The following ATRX variants were observed in gnomAD, a reference collection of about 807,000 sequenced individuals.
The protein encoded by ATRX is ATRX chromatin remodeler.
In ATRX, 12 loss-of-function variants were observed where a neutral mutation model predicts 172.6. That is an observed-to-expected ratio of 0.07 (90% CI 0.04 to 0.11). The LOEUF is 0.11. ATRX is among the 10% of genes least tolerant of loss of function. ATRX has a pLI of 1.00. For missense variants in ATRX, 1,368 were observed against 1,767.4 expected, an observed-to-expected ratio of 0.77 and a Z score of 4.05; for synonymous variants, 674 against 594.7, an observed-to-expected ratio of 1.13 and a Z score of -1.94.
intron 26 of ATRX, among the ~76,000 whole-genome samples, chrX:77,592,125 T>C (rs1443230560): frequency 4.5e-5 from 5 of 111,725 alleles, no homozygotes; most frequent in Non-Finnish European, 9.4e-5. Context: ...ATTAAAAGCA[T>C]CTCAAGCTAG....
chrX:77,555,965 G>A lies in ATRX; in HGVS notation c.6699+1486C>T, dbSNP rs185203401. On this transcript the variant is annotated intron_variant, in intron 30 of 34. Transcript: ENST00000373344. ...TGAGGTGGGTGGATCACAAGGTCAG[G>A]AGTTCAAGACCAACCTGGCCAACAT... is the stretch of plus-strand genomic sequence containing the variant. 7.9e-3 allele frequency among the ~76,000 whole-genome samples: 856 copies of A among 108,515 alleles called. 10 individuals carry two copies. The highest frequency in any genetic ancestry group is 0.028 in the African/African-American group (828 of 29,698). The allele number at this position is 108,515 out of a possible 115,157, so 94.2% of individuals were successfully genotyped here.
chrX:77,739,526 G>A (rs1275146488), intron 1 of ATRX, among the ~76,000 whole-genome samples: 1 of 110,200 alleles, frequency 9.1e-6, no homozygotes, highest in African/African-American at 3.3e-5. Context: ...AAGCCACTGT[G>A]CTTACCACAC....
chrX:77,564,632 T>C (rs1186453916), intron 28 of ATRX, among the ~76,000 whole-genome samples: 1 of 110,728 alleles, frequency 9.0e-6, no homozygotes, highest in Non-Finnish European at 1.9e-5. Context: ...GTGATCCTCC[T>C]GCCTCACTTC....
At chrX:77,577,662 T>G (rs1410903852) in intron 27 of ATRX, among the ~76,000 whole-genome samples, 2 of 111,338 alleles carry the variant, frequency 1.8e-5, no homozygotes, top group African/African-American at 6.5e-5. Context: ...CCAAGATGGC[T>G]TCAATGCTGA....
At chrX:77,614,492 T>G (rs370286580) in intron 22 of ATRX, among the ~76,000 whole-genome samples, 1 of 112,245 alleles carries the variant, frequency 8.9e-6, no homozygotes, top group South Asian at 3.7e-4. Context: ...AGATATTTAC[T>G]CCTATCAATG....
At chrX:77,725,366 T>C (rs1399440752) in intron 1 of ATRX, among the ~76,000 whole-genome samples, 1 of 111,679 alleles carries the variant, frequency 9.0e-6, no homozygotes, top group Non-Finnish European at 1.9e-5. Flanking sequence ...AAACAAAAAA[T>C]GGGGAAAGAA....
rs782645899 is a variant in ATRX at position 77,513,721 on chromosome X, C to T, written c.7201-5092G>A. Among the ~76,000 whole-genome samples, 15 of 111,485 alleles carry T rather than the reference C, an allele frequency of 1.3e-4. No homozygotes were observed. In the South Asian group the frequency reaches 5.7e-3, roughly 42 times the overall value. On this transcript the variant is annotated intron_variant, in intron 34 of 34. Coordinates refer to ENST00000373344, the MANE Select transcript of ATRX (RefSeq NM_000489.6). ...ACAAGACAAGGATGCCCTCTATCAC[C>T]ACTCCTATTCAACATAGTATTAGAA...
intron 2 of ATRX, 130 bp from the exon 3 acceptor site, chrX:77,698,759 C>T (rs782174701): frequency 3.9e-6 from 2 of 518,738 alleles, no homozygotes; most frequent in South Asian, 5.6e-5. Flanking sequence ...ATACTACTCA[C>T]ATTAAAATAT....
intron 10 of ATRX, among the ~76,000 whole-genome samples, chrX:77,665,093 CT>C (rs2070161715): frequency 8.9e-6 from 1 of 112,341 alleles, no homozygotes; most frequent in Non-Finnish European, 1.9e-5. Context: ...CCTCTATTTG[CT>C]TTGCTGACAC....
In ATRX at chrX:77,536,665, G is replaced by A. The variant is rs782371306; in HGVS notation, c.6700-13264C>T. On this transcript the variant is annotated intron_variant, in intron 30 of 34. Transcript: ENST00000373344. ...AAAATGGGGAAAAAAATTAAAGGACGTATAGCTTTGTTTCCCAGGTTTCTC... is the reference window on the plus strand; with the variant it reads ...AAAATGGGGAAAAAAATTAAAGGACATATAGCTTTGTTTCCCAGGTTTCTC... Among the ~76,000 whole-genome samples the A allele has an allele frequency of 9.8e-5, 11 of 111,869 alleles. No individual in the cohort carries two copies. In the East Asian group the frequency reaches 2.0e-3, roughly 20 times the overall value.
intron 10 of ATRX, among the ~76,000 whole-genome samples, chrX:77,665,191 A>T (rs1557125514): frequency 8.9e-6 from 1 of 112,344 alleles, no homozygotes; most frequent in African/African-American, 3.2e-5. Context: ...ACTCCACGAG[A>T]GGTTTTATTC....
Position 77,684,518 on chromosome X carries a change from G to A in ATRX, c.738C>T (p.Arg246=), listed in dbSNP as rs781856746. The A allele has an allele frequency of 3.3e-6, 4 of 1,208,768 alleles. No individual in the cohort carries two copies. In the African/African-American group the frequency reaches 7.0e-5, roughly 21 times the overall value. Residue 246 remains arginine, a synonymous_variant, in exon 9 of 35, where the codon CGC becomes CGT. Coordinates refer to ENST00000373344, the MANE Select transcript of ATRX (RefSeq NM_000489.6). ...HNAFCKKCIL[R]NLGRKELSTI... ...TGGACAACTCCTTTCGACCAAGGTT[G>A]CGTAGAATGCATTTCTTGCAGAAAG...
intron 15 of ATRX, among the ~76,000 whole-genome samples, chrX:77,638,840 C>A: frequency 8.9e-6 from 1 of 112,107 alleles, no homozygotes; most frequent in Non-Finnish European, 1.9e-5. Flanking sequence ...CTACCTAAAC[C>A]CTCTTAGCTT....
rs782113097 is a variant in ATRX, at chrX:77,681,998, T to A, written c.3258A>T (p.Ala1086=). The A allele has an allele frequency of 8.3e-7, 1 of 1,208,940 alleles. No homozygotes were observed. Among genetic ancestry groups the A allele is most frequent in the African/African-American group, 1.7e-5 (1 of 57,164 alleles). Residue 1086 remains alanine (A), a synonymous_variant, in exon 9 of 35, where the codon GCA becomes GCT. Transcript: ENST00000373344. Reference sequence around the variant, plus strand: ...TGCACCTTTTCTTCTCTCTACCATATGCTCCATTCTTACTCTTTTTATCCT... The same window carrying A: ...TGCACCTTTTCTTCTCTCTACCATAAGCTCCATTCTTACTCTTTTTATCCT... ...SSEDKKSKNG[A]YGREKKRCKL...
At chrX:77,711,011 T>C (rs1327939170) in intron 2 of ATRX, among the ~76,000 whole-genome samples, 2 of 111,394 alleles carry the variant, frequency 1.8e-5, no homozygotes, top group East Asian at 5.6e-4. Context: ...TCAATGTCAA[T>C]TTCCTGGTTG....
At chrX:77,582,670 T>C (rs2148054479) in intron 27 of ATRX, among the ~76,000 whole-genome samples, 1 of 111,643 alleles carries the variant, frequency 9.0e-6, no homozygotes, top group South Asian at 3.8e-4. Context: ...ATATTACAAC[T>C]GTTACAGCAG....
At chrX:77,723,637 A>G (rs1184398050) in intron 1 of ATRX, among the ~76,000 whole-genome samples, 4 of 111,685 alleles carry the variant, frequency 3.6e-5, no homozygotes, top group African/African-American at 1.3e-4. Flanking sequence ...TCATCAGGTC[A>G]CTGTGTCCTT....
chrX:77,505,440 C>T lies in ATRX; in HGVS notation c.*2911G>A, dbSNP rs1011347584. Reference sequence around the variant, plus strand: ...AATGAGTGTTACAGCTGTTGGGAAACAGGAAATGGGGCTGGATTACACAAA... The same window carrying T: ...AATGAGTGTTACAGCTGTTGGGAAATAGGAAATGGGGCTGGATTACACAAA... On this transcript the variant is annotated 3_prime_UTR_variant, in exon 35 of 35. Coordinates refer to ENST00000373344, the MANE Select transcript of ATRX (RefSeq NM_000489.6). The T allele has an allele frequency of 5.8e-6, 1 of 172,508 alleles. No individual in the cohort carries two copies. Among genetic ancestry groups the T allele is most frequent in the Non-Finnish European group, 1.1e-5 (1 of 90,672 alleles). 14.2% of individuals were successfully genotyped at this position (172,508 alleles called of 1,213,427 possible). A position where few individuals can be genotyped will look rare whatever the true frequency, so the allele number is the denominator to read the frequency against.
chrX:77,593,534 CAA>C (rs1557082164), intron 26 of ATRX, among the ~76,000 whole-genome samples, 160 bp downstream of exon 26: 4 of 111,627 alleles, frequency 3.6e-5, no homozygotes, highest in Non-Finnish European at 7.5e-5. Flanking sequence ...TAGTGGCTTA[CAA>C]AAAAGATAGT....
Sources: gnomAD v4.1 joint callset for allele counts (sites outside exome capture counted in the v4.1 genomes callset) on GRCh38, gnomAD v4.1.1 for gene constraint, MANE v1.5 for transcripts, NCBI Gene and HGNC (gene_info 2026-07-23, HGNC 2026-07-21) for gene names.